The following ADCY5 variants were observed in gnomAD, a reference collection of about 807,000 sequenced individuals.
ADCY5 encodes the protein adenylate cyclase 5.
A neutral mutation model predicts 119.7 loss-of-function variants in ADCY5; 30 were observed. That is an observed-to-expected ratio of 0.25 (90% CI 0.19 to 0.34). ADCY5 has a LOEUF of 0.34. ADCY5 is among the 10% of genes least tolerant of loss of function. The probability of loss-of-function intolerance (pLI) is 1.00; values close to 1 mark genes in which losing one functional copy is unlikely to be tolerated. For missense variants in ADCY5, 1,324 were observed against 1,775.2 expected (o/e 0.75, Z 4.57); for synonymous variants, 753 against 762.2 (o/e 0.99, Z 0.20).
At position 123,399,976 on chromosome 3, in the gene ADCY5, TG is replaced by T. The variant is rs747024624; in HGVS notation, c.1135-47396del. On this transcript the variant is annotated intron_variant, in intron 1 of 20. Coordinates refer to ENST00000462833, the MANE Select transcript of ADCY5 (RefSeq NM_183357.3). ...AGCTGCACAACTAAAGTTCAACCCC[TG>T]GACCCCTGGCCACTTTCCATTCCAC... Among the ~76,000 whole-genome samples the T allele has an allele frequency of 2.6e-5, 4 of 152,306 alleles. No individual in the cohort carries two copies. In the East Asian group the frequency reaches 7.7e-4, roughly 29 times the overall value.
chr3:123,442,365 C>G (rs1020776768), intron 1 of ADCY5, among the ~76,000 whole-genome samples: 2 of 152,220 alleles, frequency 1.3e-5, no homozygotes, highest in South Asian at 4.1e-4. Context: ...GGTGGCAGTT[C>G]CATTCATGCC....
At position 123,286,415 on chromosome 3, in the gene ADCY5, C is replaced by A. The variant is rs1938764333; in HGVS notation, c.3657+270G>T. 6.6e-6 allele frequency among the ~76,000 whole-genome samples: 1 copy of A among 152,188 alleles called. No homozygotes were observed. Among genetic ancestry groups the A allele is most frequent in the Non-Finnish European group, 1.5e-5 (1 of 68,030 alleles). On this transcript the variant is annotated intron_variant, in intron 20 of 20. Transcript: ENST00000462833. This position sits in a 1 kb window ranked among gnomAD's most constrained non-coding sequence, Gnocchi z 4.2. ...ATGTGCACTCTCAGCTCGGCCTCTACAATCAGATCCACTCCCAGCAGCCCC... is the reference window on the plus strand; with the variant it reads ...ATGTGCACTCTCAGCTCGGCCTCTAAAATCAGATCCACTCCCAGCAGCCCC...
chr3:123,302,707 A>G (rs1448522887), intron 14 of ADCY5, among the ~76,000 whole-genome samples: 1 of 152,190 alleles, frequency 6.6e-6, no homozygotes, highest in Non-Finnish European at 1.5e-5. Flanking sequence ...CTCTCTGTGT[A>G]TCAGGTTCTT....
intron 1 of ADCY5, among the ~76,000 whole-genome samples, chr3:123,357,329 T>G (rs1387330293): frequency 6.6e-6 from 1 of 151,872 alleles, no homozygotes; most frequent in Non-Finnish European, 1.5e-5. Context: ...TGGCCTTCCC[T>G]CTTTCTGAGG....
At chr3:123,424,134 G>A (rs1945354406) in intron 1 of ADCY5, among the ~76,000 whole-genome samples, 1 of 152,270 alleles carries the variant, frequency 6.6e-6, no homozygotes, top group African/African-American at 2.4e-5. Flanking sequence ...GCACTCAAGT[G>A]TCTGCACTGT....
rs115373123 is a variant in ADCY5, at chr3:123,428,773, A to C, written c.1134+18639T>G. Among the ~76,000 whole-genome samples the C allele has an allele frequency of 9.1e-3, 1,388 of 152,292 alleles. 24 individuals carry two copies. The highest frequency in any genetic ancestry group is 0.031 in the African/African-American group (1,301 of 41,544). On this transcript the variant is annotated intron_variant, in intron 1 of 20. Coordinates refer to ENST00000462833, the MANE Select transcript of ADCY5 (RefSeq NM_183357.3). The stretch of plus-strand genomic sequence containing the variant: ...TTTGCGGGGGGTGCCTATTTGGGAT[A>C]CAGATTCCTGGGCTCTACTCCAGAC...
chr3:123,338,717 C>T (rs1044607689), intron 3 of ADCY5, among the ~76,000 whole-genome samples: 1 of 152,228 alleles, frequency 6.6e-6, no homozygotes, highest in African/African-American at 2.4e-5. Flanking sequence ...CATTCTATTC[C>T]AGGGGCAAGA....
At chr3:123,421,066 G>A (rs1945294140) in intron 1 of ADCY5, among the ~76,000 whole-genome samples, 1 of 152,118 alleles carries the variant, frequency 6.6e-6, no homozygotes, top group Non-Finnish European at 1.5e-5. Flanking sequence ...TCTTAACATT[G>A]TCATTTGCAA....
intron 1 of ADCY5, among the ~76,000 whole-genome samples, chr3:123,376,322 C>T (rs1453367374): frequency 6.7e-6 from 1 of 149,284 alleles, no homozygotes; most frequent in Non-Finnish European, 1.5e-5. Flanking sequence ...GGAGTCCCAG[C>T]TCTGGGACGG....
At chr3:123,419,031 C>CTCATG (rs1945243769) in intron 1 of ADCY5, 8 of 580,124 alleles carry the variant, frequency 1.4e-5, no homozygotes, top group Non-Finnish European at 1.7e-5. Flanking sequence ...CAGACAACAG[C>CTCATG]TCATGGGTCT....
intron 8 of ADCY5, among the ~76,000 whole-genome samples, chr3:123,322,213 C>G (rs1288566961): frequency 2.0e-5 from 3 of 152,224 alleles, no homozygotes; most frequent in Non-Finnish European, 2.9e-5. Flanking sequence ...GGTTGGCCCA[C>G]TCAATTCCAT....
chr3:123,318,137 G>A lies in ADCY5; in HGVS notation c.2257-20C>T. 1 of 1,601,362 alleles carries A rather than the reference G, an allele frequency of 6.2e-7. No homozygotes were observed. Among genetic ancestry groups the A allele is most frequent in the Non-Finnish European group, 8.5e-7 (1 of 1,170,118 alleles). On this transcript the variant is annotated intron_variant, in intron 10 of 20. Transcript: ENST00000462833. ...GGAGTACTGAGAGGAGACGGGCAGGGTGAGAGGGGCCAAGGTACCTGGCCC... is the reference window on the plus strand; with the variant it reads ...GGAGTACTGAGAGGAGACGGGCAGGATGAGAGGGGCCAAGGTACCTGGCCC...
rs779820739 is a variant in ADCY5 at position 123,332,694 on chromosome 3, A to G, written c.1407-19T>C. 76 of 1,506,154 alleles carry G rather than the reference A, an allele frequency of 5.0e-5. No individual in the cohort carries two copies. The highest frequency in any genetic ancestry group is 6.7e-5 in the Non-Finnish European group (73 of 1,083,106). The allele number at this position is 1,506,154 out of a possible 1,614,324, so 93.3% of individuals were successfully genotyped here. ...CAGGATGCTGGGGGACAGGCAGAGGAGGAAGACCCTGCTATAGGCTGAATC... is the reference window on the plus strand; with the variant it reads ...CAGGATGCTGGGGGACAGGCAGAGGGGGAAGACCCTGCTATAGGCTGAATC... On this transcript the variant is annotated intron_variant, in intron 3 of 20. Transcript: ENST00000462833.
Position 123,289,854 on chromosome 3 carries a change from A to G in ADCY5, c.3428T>C (p.Val1143Ala), listed in dbSNP as rs1319656902. 2.0e-5 allele frequency: 32 copies of G among 1,614,172 alleles called. No homozygotes were observed. Among genetic ancestry groups the G allele is most frequent in the Non-Finnish European group, 2.7e-5 (32 of 1,180,026 alleles). ...SGLNDSTYDK[V>A]GKTHIKALAD... is the part of the protein sequence containing the mutation. ...CAGTGCCTTGATGTGGGTCTTGCCC[A>G]CCTTGTCGTAGGTAGAGTCGTTGAG... The change falls in exon 19 of 21, where the codon GTG (valine) becomes GCG (alanine). Residue 1143 changes from valine (V) to alanine (A), a missense_variant. By Grantham distance (64) the Val-to-Ala change is moderately conservative. Coordinates refer to ENST00000462833, the MANE Select transcript of ADCY5 (RefSeq NM_183357.3).
intron 3 of ADCY5, among the ~76,000 whole-genome samples, chr3:123,342,764 C>T (rs948670201): frequency 6.6e-6 from 1 of 152,098 alleles, no homozygotes; most frequent in Admixed American, 6.5e-5. Context: ...GCAGGGTCAT[C>T]CACAGTAAGA....
At chr3:123,318,263 A>G (rs1941030479) in intron 10 of ADCY5, 146 bp from the exon 11 acceptor site, 2 of 614,192 alleles carry the variant, frequency 3.3e-6, no homozygotes, top group Admixed American at 5.0e-5. Context: ...CGAGAACCAG[A>G]GTCAAACTTA....
intron 1 of ADCY5, among the ~76,000 whole-genome samples, chr3:123,356,290 AT>A (rs1943034979): frequency 6.6e-6 from 1 of 152,244 alleles, no homozygotes; most frequent in Admixed American, 6.5e-5. Context: ...AAAGAAAAAA[AT>A]AAATTGAACT....
intron 15 of ADCY5, among the ~76,000 whole-genome samples, chr3:123,298,504 T>C (rs553814289): frequency 1.5e-4 from 23 of 152,338 alleles, no homozygotes; most frequent in Non-Finnish European, 3.1e-4. Context: ...GCTTGTCCCA[T>C]GCTCCACTGT....
At chr3:123,415,084 A>G (rs1945154335) in intron 1 of ADCY5, among the ~76,000 whole-genome samples, 1 of 152,170 alleles carries the variant, frequency 6.6e-6, no homozygotes, top group Non-Finnish European at 1.5e-5. Flanking sequence ...CCACATCACC[A>G]GGGAGAGGAT....
Sources: gnomAD v4.1 joint callset for allele counts (sites outside exome capture counted in the v4.1 genomes callset) on GRCh38, gnomAD v4.1.1 for gene constraint, Gnocchi (gnomAD v3.1) non-coding constraint, MANE v1.5 for transcripts, NCBI Gene and HGNC (gene_info 2026-07-23, HGNC 2026-07-21) for gene names.